SDK1: variants seen among roughly 807,000 people sequenced by gnomAD.
The protein encoded by SDK1 is protein sidekick-1.
A neutral mutation model predicts 245.5 loss-of-function variants in SDK1; 157 were observed. The ratio of observed to expected loss-of-function variants is 0.64; its 90% CI spans 0.56 to 0.73. The LOEUF (loss-of-function observed/expected upper bound fraction) is 0.73. Among genes scored for constraint, SDK1 ranks in the 30% least tolerant of loss-of-function variants. SDK1 has a pLI of 0.00. For synonymous variants in SDK1, 1,647 were observed against 1,278.5 expected, an observed-to-expected ratio of 1.29 and a Z score of -6.15; for missense variants, 3,583 against 3,002.3, an observed-to-expected ratio of 1.19 and a Z score of -4.52.
intron 1 of SDK1, among the ~76,000 whole-genome samples, chr7:3,346,212 G>T (rs1037765649): frequency 6.6e-6 from 1 of 152,080 alleles, no homozygotes; most frequent in Non-Finnish European, 1.5e-5. Flanking sequence ...AGCTGATTGT[G>T]CCCTGCATGT....
rs752654021 is a variant in SDK1, at chr7:4,127,361, A to G, written c.3824-20A>G. 13 of 1,579,052 alleles carry G rather than the reference A, an allele frequency of 8.2e-6. No individual in the cohort carries two copies. The Admixed American group carries it at 1.0e-4, about 12-fold the overall frequency. ...CACTCTAGATTTTGGATGCTAATCTACTTCATTGGTTCTTTGCAGTTCCTT... is the reference window on the plus strand; with the variant it reads ...CACTCTAGATTTTGGATGCTAATCTGCTTCATTGGTTCTTTGCAGTTCCTT... On this transcript the variant is annotated intron_variant, in intron 25 of 44. Transcript: ENST00000404826.
intron 17 of SDK1, among the ~76,000 whole-genome samples, chr7:4,020,071 T>A (rs752629354): frequency 6.6e-6 from 1 of 151,944 alleles, no homozygotes; most frequent in Non-Finnish European, 1.5e-5. Flanking sequence ...CCTAAACCTA[T>A]TCCTGGGCCA....
At chr7:4,226,151 G>A (rs1785432442) in intron 40 of SDK1, among the ~76,000 whole-genome samples, 1 of 152,154 alleles carries the variant, frequency 6.6e-6, no homozygotes, top group South Asian at 2.1e-4. Flanking sequence ...TTTTCCCACC[G>A]AAGCTCCCTG....
intron 5 of SDK1, among the ~76,000 whole-genome samples, chr7:3,836,576 G>C (rs1199527055): frequency 6.6e-6 from 1 of 152,142 alleles, no homozygotes; most frequent in African/African-American, 2.4e-5. Flanking sequence ...GATGTTCTAA[G>C]GGAACATGTA....
intron 4 of SDK1, among the ~76,000 whole-genome samples, chr7:3,691,909 C>A (rs954917954): frequency 6.6e-6 from 1 of 152,070 alleles, no homozygotes; most frequent in Non-Finnish European, 1.5e-5. Context: ...TTATCTGAGC[C>A]TTTTATCCTG....
chr7:3,585,755 A>G (rs530739447), intron 1 of SDK1, among the ~76,000 whole-genome samples: 1 of 152,142 alleles, frequency 6.6e-6, no homozygotes, highest in East Asian at 1.9e-4. Context: ...GCACAGCATA[A>G]GAGATGAAAC....
intron 5 of SDK1, among the ~76,000 whole-genome samples, chr7:3,868,717 TTG>T (rs1311774271): frequency 6.6e-6 from 1 of 152,200 alleles, no homozygotes; most frequent in African/African-American, 2.4e-5. Flanking sequence ...GCACCTTTTA[TTG>T]TGTGTCTTCA....
In SDK1 at chr7:3,403,839, AT is replaced by A. The variant is rs1390731176; in HGVS notation, c.298+101956del. Among the ~76,000 whole-genome samples, 59 of 56,046 alleles carry A rather than the reference AT, an allele frequency of 1.1e-3. 1 individual carries two copies. Among genetic ancestry groups the A allele is most frequent in the African/African-American group, 9.4e-3 (54 of 5,722 alleles). The allele number at this position is 56,046 out of a possible 152,430, so 36.8% of individuals were successfully genotyped here. A position where few individuals can be genotyped will look rare whatever the true frequency, so the allele number is the denominator to read the frequency against. Reference sequence around the variant, plus strand: ...AAATATCTTACATATATATATATATATATATATATATATATATATATATATA... The same window carrying A: ...AAATATCTTACATATATATATATATAATATATATATATATATATATATATA... On this transcript the variant is annotated intron_variant, in intron 1 of 44. Coordinates refer to ENST00000404826, the MANE Select transcript of SDK1 (RefSeq NM_152744.4).
At chr7:4,191,964 C>T (rs1237122955) in intron 35 of SDK1, among the ~76,000 whole-genome samples, 3 of 152,234 alleles carry the variant, frequency 2.0e-5, no homozygotes, top group Non-Finnish European at 4.4e-5. Context: ...CCGACCCCAC[C>T]CCCAGGCCTC....
At chr7:3,948,215 C>G (rs1453712741) in intron 5 of SDK1, among the ~76,000 whole-genome samples, 8 of 148,946 alleles carry the variant, frequency 5.4e-5, no homozygotes, top group African/African-American at 1.7e-4. Context: ...AAGTCAGATT[C>G]ACCTTGCAGG....
intron 1 of SDK1, among the ~76,000 whole-genome samples, chr7:3,538,640 G>A (rs375779740): frequency 9.2e-5 from 14 of 152,272 alleles, no homozygotes; most frequent in South Asian, 6.2e-4. Flanking sequence ...CTTCTAATGG[G>A]AGAACTGACC....
intron 5 of SDK1, among the ~76,000 whole-genome samples, chr7:3,886,562 G>T (rs934307683): frequency 8.5e-5 from 13 of 152,190 alleles, no homozygotes; most frequent in African/African-American, 2.7e-4. Flanking sequence ...CAGTTGTTCA[G>T]TGAGCTTGGT....
chr7:4,117,825 C>T (rs1783807415), intron 25 of SDK1, among the ~76,000 whole-genome samples: 1 of 152,154 alleles, frequency 6.6e-6, no homozygotes, highest in African/African-American at 2.4e-5. Flanking sequence ...AGGGCCTAAA[C>T]TCCTGCAGTT....
chr7:3,648,071 G>T (rs1266617277), intron 4 of SDK1, among the ~76,000 whole-genome samples: 2 of 152,120 alleles, frequency 1.3e-5, no homozygotes, highest in Admixed American at 1.3e-4. Context: ...TCCAAAGTTT[G>T]CTATCTTTGC....
At chr7:3,849,213 C>G (rs903172536) in intron 5 of SDK1, among the ~76,000 whole-genome samples, 3 of 152,202 alleles carry the variant, frequency 2.0e-5, no homozygotes, top group Non-Finnish European at 2.9e-5. Flanking sequence ...TGCGCTTGTA[C>G]TACATGTCTT....
chr7:3,987,310 C>G lies in SDK1; in HGVS notation c.2119C>G (p.Leu707Val). The change falls in exon 14 of 45, where the codon CTC (leucine) becomes GTC (valine). Residue 707 changes from leucine to valine, a missense_variant. Leu to Val is a conservative substitution (Grantham distance 32). Coordinates refer to ENST00000404826, the MANE Select transcript of SDK1 (RefSeq NM_152744.4). Reference sequence around the variant, plus strand: ...TCCTATTCTTTATTACATCGTGGAGCTCTCTGAAAACAGTAAGTAGCAAAA... The same window carrying G: ...TCCTATTCTTTATTACATCGTGGAGGTCTCTGAAAACAGTAAGTAGCAAAA... ...NSPILYYIVE[L>V]SENNSPWKVH... 3 of 1,613,946 alleles carry G rather than the reference C, an allele frequency of 1.9e-6. No individual in the cohort carries two copies. The highest frequency in any genetic ancestry group is 2.5e-6 in the Non-Finnish European group (3 of 1,179,898).
At chr7:4,111,602 A>G (rs1478600338) in intron 23 of SDK1, among the ~76,000 whole-genome samples, 2 of 152,170 alleles carry the variant, frequency 1.3e-5, no homozygotes, top group Non-Finnish European at 2.9e-5. Flanking sequence ...AGAACAGACA[A>G]ATCAGGACAC....
intron 4 of SDK1, among the ~76,000 whole-genome samples, chr7:3,763,637 A>G (rs973177336): frequency 1.3e-5 from 2 of 152,214 alleles, no homozygotes; most frequent in African/African-American, 2.4e-5. Flanking sequence ...TAAACATAAA[A>G]TATTGAACAT....
rs1169128531 is a variant in SDK1 at position 3,684,475 on chromosome 7, A to C, written c.713+42370A>C. Reference sequence around the variant, plus strand: ...AGAAGCCCAGCATAAAGCTGAACACACATACCCAGCCGGCCTTTATGCTCC... The same window carrying C: ...AGAAGCCCAGCATAAAGCTGAACACCCATACCCAGCCGGCCTTTATGCTCC... On this transcript the variant is annotated intron_variant, in intron 4 of 44. Coordinates refer to ENST00000404826, the MANE Select transcript of SDK1 (RefSeq NM_152744.4). 2.0e-5 allele frequency among the ~76,000 whole-genome samples: 3 copies of C among 152,208 alleles called. No individual in the cohort carries two copies. The East Asian group carries it at 5.8e-4, about 29-fold the overall frequency.
Sources: gnomAD v4.1 joint callset for allele counts (sites outside exome capture counted in the v4.1 genomes callset) on GRCh38, gnomAD v4.1.1 for gene constraint, MANE v1.5 for transcripts, NCBI Gene and HGNC (gene_info 2026-07-23, HGNC 2026-07-21) for gene names.